FHOD3: variants seen among roughly 807,000 people sequenced by gnomAD.
The protein encoded by FHOD3 is FH1/FH2 domain-containing protein 3.
A neutral mutation model predicts 173.0 loss-of-function variants in FHOD3; 90 were observed. The observed-to-expected ratio is 0.52, with a 90% confidence interval of 0.44 to 0.62. The LOEUF (loss-of-function observed/expected upper bound fraction) is 0.62, where lower values mean the gene tolerates loss of function less well. Ranked by LOEUF, FHOD3 falls within the 20% of genes least tolerant of loss-of-function variation. The pLI is 0.00. For missense variants in FHOD3, 1,945 were observed against 2,034.7 expected (o/e 0.96, Z 0.85); for synonymous variants, 828 against 823.0 (o/e 1.01, Z -0.10).
At position 36,625,617 on chromosome 18, in the gene FHOD3, G is replaced by C. The variant is rs561334570; in HGVS notation, c.1064G>C (p.Arg355Pro). ...SVCSSGGGEH[R>P]GLDRRRSRRH... ...TGTTCCAGTGGCGGAGGCGAGCACC[G>C]GGGCCTGGACCGCAGAAGGAGCCGC... The change falls in exon 10 of 29, where the codon CGG (arginine) becomes CCG (proline). Residue 355 changes from arginine (R) to proline (P), a missense_variant. Arg to Pro is a moderately radical substitution (Grantham distance 103). This residue lies in a region of FHOD3 where 1,099 missense variants were observed against 1,051.2 expected (regional missense o/e 1.05). Transcript: ENST00000590592. 2.5e-6 allele frequency: 4 copies of C among 1,592,042 alleles called. No individual in the cohort carries two copies. In the Admixed American group the frequency reaches 5.1e-5, roughly 20 times the overall value.
intron 6 of FHOD3, among the ~76,000 whole-genome samples, chr18:36,589,717 C>T (rs559620487): frequency 6.6e-6 from 1 of 152,260 alleles, no homozygotes; most frequent in East Asian, 1.9e-4. Flanking sequence ...CCAGAGACAG[C>T]GAATCTACTC....
intron 18 of FHOD3, among the ~76,000 whole-genome samples, chr18:36,713,082 T>G (rs1410420836): frequency 1.3e-5 from 2 of 151,896 alleles, no homozygotes; most frequent in African/African-American, 2.4e-5. Flanking sequence ...ACTAAAAGAG[T>G]GGGTCCCTAA....
chr18:36,522,338 C>G (rs1217522125), intron 5 of FHOD3, among the ~76,000 whole-genome samples: 1 of 152,206 alleles, frequency 6.6e-6, no homozygotes, highest in African/African-American at 2.4e-5. Context: ...TTATTTGAAG[C>G]TTTAGTCCAC....
At chr18:36,681,295 C>T (rs1402925746) in intron 14 of FHOD3, 141 bp from the exon 15 acceptor site, 5 of 948,666 alleles carry the variant, frequency 5.3e-6, no homozygotes, top group Non-Finnish European at 7.7e-6. Context: ...AACAAGAAGA[C>T]CCGAGGCATT....
At chr18:36,331,177 A>T (rs544525542) in intron 1 of FHOD3, among the ~76,000 whole-genome samples, 1 of 152,310 alleles carries the variant, frequency 6.6e-6, no homozygotes, top group East Asian at 1.9e-4. Context: ...TTCTCTGCTG[A>T]CATTTGAAAC....
At chr18:36,583,955 A>G (rs1319419564) in intron 6 of FHOD3, among the ~76,000 whole-genome samples, 1 of 152,056 alleles carries the variant, frequency 6.6e-6, no homozygotes, top group Non-Finnish European at 1.5e-5. Context: ...CCTCCTGAGT[A>G]GCTGGGACCA....
At chr18:36,562,962 G>A (rs906850410) in intron 5 of FHOD3, among the ~76,000 whole-genome samples, 50 of 152,288 alleles carry the variant, frequency 3.3e-4, no homozygotes, top group African/African-American at 1.1e-3. Flanking sequence ...CCCTGAGCCT[G>A]TCAGTCAGGG....
chr18:36,345,613 A>C (rs1475820820), intron 1 of FHOD3, among the ~76,000 whole-genome samples: 1 of 152,188 alleles, frequency 6.6e-6, no homozygotes, highest in Non-Finnish European at 1.5e-5. Flanking sequence ...TACTTTTAAA[A>C]AATTTTTAGT....
At chr18:36,549,188 C>G (rs1054542252) in intron 5 of FHOD3, among the ~76,000 whole-genome samples, 2 of 152,138 alleles carry the variant, frequency 1.3e-5, no homozygotes, top group African/African-American at 4.8e-5. Flanking sequence ...TGTTGAACAT[C>G]TTTTTTATGT....
At chr18:36,452,218 C>A (rs971727502) in intron 3 of FHOD3, among the ~76,000 whole-genome samples, 1 of 152,092 alleles carries the variant, frequency 6.6e-6, no homozygotes, top group Non-Finnish European at 1.5e-5. Flanking sequence ...ATCTCGGGAG[C>A]CTTTTCCGTA....
At chr18:36,335,782 T>C (rs1449720622) in intron 1 of FHOD3, among the ~76,000 whole-genome samples, 2 of 152,128 alleles carry the variant, frequency 1.3e-5, no homozygotes, top group Non-Finnish European at 2.9e-5. Flanking sequence ...GAAACTTGGG[T>C]GCCCCTGTGC....
rs547078288 is a variant in FHOD3 at position 36,443,250 on chromosome 18, G to A, written c.338-58682G>A. Among the ~76,000 whole-genome samples, 6 of 152,098 alleles carry A rather than the reference G, an allele frequency of 3.9e-5. No homozygotes were observed. The South Asian group carries it at 8.3e-4, about 21-fold the overall frequency. Reference sequence around the variant, plus strand: ...ACCCTTAATAATTCTTGCCTGTGACGATCATTACTGTAGTGTTTGCCAAAT... The same window carrying A: ...ACCCTTAATAATTCTTGCCTGTGACAATCATTACTGTAGTGTTTGCCAAAT... On this transcript the variant is annotated intron_variant, in intron 3 of 28. Transcript: ENST00000590592.
At chr18:36,701,050 A>G (rs1485127846) in intron 17 of FHOD3, among the ~76,000 whole-genome samples, 1 of 152,248 alleles carries the variant, frequency 6.6e-6, no homozygotes, top group Non-Finnish European at 1.5e-5. Context: ...TGCCTCGGGC[A>G]GGGCACGTGC....
chr18:36,380,593 C>T (rs945374399), intron 3 of FHOD3, among the ~76,000 whole-genome samples: 6 of 129,956 alleles, frequency 4.6e-5, no homozygotes, highest in African/African-American at 1.9e-4. Context: ...CTTTCCTTTC[C>T]TTTCCTTTCC....
intron 1 of FHOD3, among the ~76,000 whole-genome samples, chr18:36,325,442 C>A (rs947295983): frequency 6.6e-6 from 1 of 152,198 alleles, no homozygotes; most frequent in Non-Finnish European, 1.5e-5. Context: ...TTTTCAGATA[C>A]TTTAACTTGA....
chr18:36,661,184 A>G (rs2036772561), intron 14 of FHOD3, among the ~76,000 whole-genome samples: 1 of 152,024 alleles, frequency 6.6e-6, no homozygotes, highest in Non-Finnish European at 1.5e-5. Flanking sequence ...CCATCGCCCA[A>G]GAATATTACA....
chr18:36,693,073 G>C, intron 16 of FHOD3, 136 bp from the exon 17 acceptor site: 1 of 836,336 alleles, frequency 1.2e-6, no homozygotes, highest in Non-Finnish European at 1.9e-6. Flanking sequence ...TTGGCAGGCT[G>C]ACTCTCCAGC....
chr18:36,433,722 T>C (rs2050672824), intron 3 of FHOD3, among the ~76,000 whole-genome samples: 2 of 152,110 alleles, frequency 1.3e-5, no homozygotes, highest in Non-Finnish European at 2.9e-5. Flanking sequence ...GACCAAAATA[T>C]AGGACAGGTT....
At chr18:36,746,186 A>G (rs1037741323) in intron 23 of FHOD3, among the ~76,000 whole-genome samples, 7 of 152,142 alleles carry the variant, frequency 4.6e-5, no homozygotes. Context: ...CTGAATACAC[A>G]GCCAGCACTC....
Sources: allele counts gnomAD v4.1 joint callset (sites outside exome capture counted in the v4.1 genomes callset), GRCh38; gene constraint gnomAD v4.1.1; regional missense constraint gnomAD v4.1.1; transcripts MANE v1.5; gene names NCBI Gene and HGNC (gene_info 2026-07-23, HGNC 2026-07-21).